Variants in AP3B2 observed in about 807,000 individuals in gnomAD.
AP3B2 encodes the protein AP-3 complex subunit beta-2.
In AP3B2, 50 loss-of-function variants were observed where a neutral mutation model predicts 126.9. The observed-to-expected ratio is 0.39, with a 90% CI of 0.31 to 0.50. AP3B2 has a LOEUF of 0.50. Among genes scored for constraint, AP3B2 ranks in the 20% least tolerant of loss-of-function variants. The pLI is 0.79. For missense variants in AP3B2, 1,177 were observed against 1,426.4 expected (o/e 0.83, Z 2.82); for synonymous variants, 541 against 565.0 (o/e 0.96, Z 0.60).
rs1188865279 is a variant in AP3B2, at chr15:82,676,468, G to A, written c.1658C>T (p.Ser553Phe). 6.2e-7 allele frequency: 1 copy of A among 1,613,830 alleles called. No individual in the cohort carries two copies. The highest frequency in any genetic ancestry group is 8.5e-7 in the Non-Finnish European group (1 of 1,179,850). ...NLAAKLYLTNSKQTKLLTQYV... is the reference protein window; with the variant it reads ...NLAAKLYLTNFKQTKLLTQYV... ...TCATCTCTTAATCTTTACCTGTTTA[G>A]AGTTGGTCAGGTAGAGCTTGGCTGC... is the stretch of plus-strand genomic sequence containing the variant. Residue 553 changes from serine to phenylalanine, a missense_variant, in exon 14 of 27, where the codon TCT becomes TTT. Physicochemically the swap from Ser to Phe is radical, Grantham distance 155 (BLOSUM62 -2). This residue lies in a region of AP3B2 where 308 missense variants were observed against 452.4 expected (regional missense o/e 0.68). Coordinates refer to ENST00000535359, the MANE Select transcript of AP3B2 (RefSeq NM_001278512.2).
intron 1 of AP3B2, among the ~76,000 whole-genome samples, chr15:82,696,031 C>T (rs1361660691): frequency 6.6e-6 from 1 of 152,172 alleles, no homozygotes; most frequent in Admixed American, 6.5e-5. Context: ...CTGTCTCTTA[C>T]AACCATCTTC....
intron 1 of AP3B2, among the ~76,000 whole-genome samples, chr15:82,706,857 T>G (rs2048804138): frequency 6.6e-6 from 1 of 152,182 alleles, no homozygotes; most frequent in Non-Finnish European, 1.5e-5. Flanking sequence ...CATCTGCTAT[T>G]CTACTACTCC....
Position 82,709,497 on chromosome 15 carries a change from G to GGCCGGC in AP3B2, c.113+91_113+96dup, listed in dbSNP as rs2048848278. On this transcript the variant is annotated intron_variant, in intron 1 of 26. Coordinates refer to ENST00000535359, the MANE Select transcript of AP3B2 (RefSeq NM_001278512.2). ...CTTCCGGTCGGCGCGGCCGGGGCGG[G>GGCCGGC]GCCGGCGCTGGGGCCGGGCGCTGTC... The GGCCGGC allele has an allele frequency of 3.6e-6, 3 of 829,352 alleles. No individual in the cohort carries two copies. The East Asian group carries it at 1.8e-4, about 49-fold the overall frequency. 51.4% of individuals were successfully genotyped at this position (829,352 alleles called of 1,614,324 possible). A position where few individuals can be genotyped will look rare whatever the true frequency, so the allele number is the denominator to read the frequency against.
chr15:82,703,185 T>A (rs184942850), intron 1 of AP3B2, among the ~76,000 whole-genome samples: 2 of 152,188 alleles, frequency 1.3e-5, no homozygotes, highest in African/African-American at 2.4e-5. Context: ...TTCAGAGTTG[T>A]CTGATCACCG....
intron 1 of AP3B2, among the ~76,000 whole-genome samples, chr15:82,709,048 T>C (rs1335334185): frequency 6.6e-6 from 1 of 151,826 alleles, no homozygotes; most frequent in South Asian, 2.1e-4. Context: ...GGTGTGAAGG[T>C]GGAGCTGAAC....
intron 14 of AP3B2, among the ~76,000 whole-genome samples, chr15:82,671,409 G>A (rs911769944): frequency 6.6e-6 from 1 of 152,116 alleles, no homozygotes; most frequent in African/African-American, 2.4e-5. Context: ...CACTGTTAGT[G>A]GAAATGTCTG....
In AP3B2 at chr15:82,688,823, C is replaced by T. The variant is rs745697505; in HGVS notation, c.273G>A (p.Lys91=). Residue 91 remains lysine (K), a synonymous_variant, in exon 4 of 27, where the codon AAG becomes AAA. Coordinates refer to ENST00000535359, the MANE Select transcript of AP3B2 (RefSeq NM_001278512.2). ...AGCGTACCAGGTACACATAGACAAG[C>T]TTCTTCACCTTGGGGAGAGCACGTT... ...NVACKNIEVK[K]LVYVYLVRYA... 1 of 1,611,046 alleles carries T rather than the reference C, an allele frequency of 6.2e-7. No homozygotes were observed. Among genetic ancestry groups the T allele is most frequent in the Non-Finnish European group, 8.5e-7 (1 of 1,178,624 alleles).
At chr15:82,705,632 C>G (rs553706967) in intron 1 of AP3B2, among the ~76,000 whole-genome samples, 1 of 152,336 alleles carries the variant, frequency 6.6e-6, no homozygotes, top group African/African-American at 2.4e-5. Flanking sequence ...GCTTCACGGA[C>G]AGCCCCCATT....
At chr15:82,671,588 A>G (rs955915923) in intron 14 of AP3B2, among the ~76,000 whole-genome samples, 9 of 151,250 alleles carry the variant, frequency 6.0e-5, no homozygotes, top group Non-Finnish European at 1.3e-4. Flanking sequence ...AATACAAAAA[A>G]TTAGCTAGGC....
At position 82,676,468 on chromosome 15, in the gene AP3B2, G is replaced by T. The variant is rs1188865279; in HGVS notation, c.1658C>A (p.Ser553Tyr). 1 of 1,613,948 alleles carries T rather than the reference G, an allele frequency of 6.2e-7. No homozygotes were observed. Among genetic ancestry groups the T allele is most frequent in the Admixed American group, 1.7e-5 (1 of 60,034 alleles). The change falls in exon 14 of 27, where the codon TCT (serine) becomes TAT (tyrosine). Residue 553 changes from serine (S) to tyrosine (Y), a missense_variant. Transcript: ENST00000535359. ...NLAAKLYLTN[S>Y]KQTKLLTQYV... ...TCATCTCTTAATCTTTACCTGTTTA[G>T]AGTTGGTCAGGTAGAGCTTGGCTGC...
At chr15:82,676,411 G>T in intron 14 of AP3B2, 50 bp downstream of exon 14, 2 of 1,587,576 alleles carry the variant, frequency 1.3e-6, no homozygotes, top group South Asian at 1.1e-5. Flanking sequence ...ATACTGTCTA[G>T]GGAGTTTCTG....
intron 14 of AP3B2, among the ~76,000 whole-genome samples, chr15:82,676,011 C>A (rs1345929135): frequency 6.6e-6 from 1 of 152,110 alleles, no homozygotes; most frequent in Non-Finnish European, 1.5e-5. Context: ...ACAGTGGCCA[C>A]CAGCACCACC....
In AP3B2 at chr15:82,677,266, TC is replaced by T. The variant is rs3217364; in HGVS notation, c.1488+7del. 0.12 allele frequency: 185,849 copies of T among 1,606,772 alleles called. 12,271 individuals carry two copies. The highest frequency in any genetic ancestry group is 0.25 in the African/African-American group (18,373 of 74,810). ...AAGTGGGGAGTGAAAATATGGCTTC[TC>T]CCTCACCTGGATGTTGTCTGTAAGC... On this transcript the variant is annotated splice_region_variant and intron_variant, in intron 13 of 26. Coordinates refer to ENST00000535359, the MANE Select transcript of AP3B2 (RefSeq NM_001278512.2).
chr15:82,662,303 A>G, intron 23 of AP3B2, 51 bp from the exon 24 acceptor site: 2 of 1,396,946 alleles, frequency 1.4e-6, no homozygotes, highest in Non-Finnish European at 2.0e-6. Flanking sequence ...CCATCACCTG[A>G]TAGGTCTAGA....
chr15:82,679,868 C>A, intron 9 of AP3B2, 68 bp from the exon 10 acceptor site: 1 of 1,419,748 alleles, frequency 7.0e-7, no homozygotes, highest in Non-Finnish European at 9.9e-7. Context: ...CCAGAGACAC[C>A]CCTCCTATCC....
At position 82,681,523 on chromosome 15, in the gene AP3B2, G is replaced by A; in HGVS notation, c.418C>T (p.Pro140Ser). Residue 140 changes from proline to serine, a missense_variant, in exon 5 of 27, where the codon CCC becomes TCC. Physicochemically the swap from Pro to Ser is moderately conservative, Grantham distance 74. Coordinates refer to ENST00000535359, the MANE Select transcript of AP3B2 (RefSeq NM_001278512.2). This position sits in a 1 kb window ranked among gnomAD's most constrained non-coding sequence, Gnocchi z 4.0. ...AGCATCATGATGGGCACTATGATGG[G>A]CACACGGATGCTAGAGAGGACACGG... is the stretch of plus-strand genomic sequence containing the variant. ...ALRVLSSIRV[P>S]IIVPIMMLAI... The A allele has an allele frequency of 1.9e-6, 3 of 1,613,928 alleles. No individual in the cohort carries two copies. The East Asian group carries it at 6.7e-5, about 36-fold the overall frequency.
At position 82,659,396 on chromosome 15, in the gene AP3B2, G is replaced by T; in HGVS notation, c.*164C>A. 1.3e-6 allele frequency: 1 copy of T among 787,692 alleles called. No homozygotes were observed. The highest frequency in any genetic ancestry group is 2.0e-6 in the Non-Finnish European group (1 of 497,314). The allele number at this position is 787,692 out of a possible 1,614,324, so 48.8% of individuals were successfully genotyped here. ...AGATCACTAAGGAATCCATGGGGAG[G>T]GCATTAGGGGAGGGCTTGGTCCTCC... On this transcript the variant is annotated 3_prime_UTR_variant, in exon 27 of 27. Transcript: ENST00000535359.
intron 21 of AP3B2, 155 bp from the exon 22 acceptor site, chr15:82,663,388 A>G: frequency 1.0e-6 from 1 of 983,098 alleles, no homozygotes. Flanking sequence ...CTAGACCTCA[A>G]CCCCAGACCT....
chr15:82,661,460 T>C (rs1374915356), intron 25 of AP3B2, among the ~76,000 whole-genome samples: 1 of 152,222 alleles, frequency 6.6e-6, no homozygotes, highest in African/African-American at 2.4e-5. Flanking sequence ...ACAATGTTTT[T>C]AATATTTTTT....
Sources: allele counts gnomAD v4.1 joint callset (sites outside exome capture counted in the v4.1 genomes callset), GRCh38; gene constraint gnomAD v4.1.1; regional missense constraint gnomAD v4.1.1; non-coding constraint Gnocchi (gnomAD v3.1); transcripts MANE v1.5; gene names NCBI Gene and HGNC (gene_info 2026-07-23, HGNC 2026-07-21).